The following FRMPD4 variants were observed in gnomAD, a reference collection of about 807,000 sequenced individuals.
The protein encoded by FRMPD4 is FERM and PDZ domain containing 4.
A neutral mutation model predicts 94.1 loss-of-function variants in FRMPD4; 22 were observed. That is an observed-to-expected ratio of 0.23 (90% confidence interval 0.17 to 0.33). The LOEUF (loss-of-function observed/expected upper bound fraction) is 0.33. Ranked by LOEUF, FRMPD4 falls within the 10% of genes least tolerant of loss-of-function variation. The pLI is 1.00. For missense variants in FRMPD4, 1,111 were observed against 1,339.9 expected (o/e 0.83, Z 2.67); for synonymous variants, 631 against 548.6 (o/e 1.15, Z -2.10).
chrX:12,390,041 A>G (rs534550799), intron 1 of FRMPD4, among the ~76,000 whole-genome samples: 6 of 112,407 alleles, frequency 5.3e-5, no homozygotes, highest in African/African-American at 1.9e-4. Context: ...ATGAATCACT[A>G]ACTTTGCTTG....
At chrX:12,482,804 A>G (rs957856673) in intron 1 of FRMPD4, among the ~76,000 whole-genome samples, 1 of 112,098 alleles carries the variant, frequency 8.9e-6, no homozygotes, top group Admixed American at 9.4e-5. Context: ...TTTTCTTCCT[A>G]CTAAGCCTTG....
At chrX:12,033,710 A>AT (rs2054704583) in intron 3 of FRMPD4, among the ~76,000 whole-genome samples, 1 of 111,194 alleles carries the variant, frequency 9.0e-6, no homozygotes, top group Non-Finnish European at 1.9e-5. Flanking sequence ...ATTTTATTTT[A>AT]TTTTGAGACG....
chrX:11,887,327 C>A (rs889327161), intron 3 of FRMPD4, among the ~76,000 whole-genome samples: 3 of 111,419 alleles, frequency 2.7e-5, no homozygotes, highest in Non-Finnish European at 3.8e-5. Context: ...TCAGGGAGAA[C>A]AATTGTTCTG....
intron 7 of FRMPD4, among the ~76,000 whole-genome samples, chrX:12,688,937 C>T (rs761982246): frequency 6.4e-5 from 7 of 109,451 alleles, no homozygotes; most frequent in East Asian, 5.7e-4. Flanking sequence ...CTAAGGTTTC[C>T]GGATCTTGAC....
rs2042222279 is a variant in FRMPD4, at chrX:12,720,723, C to T, written c.4154C>T (p.Pro1385Leu). Residue 1385 changes from proline (P) to leucine (L), a missense_variant, in exon 17 of 17, where the codon CCG (proline) becomes CTG (leucine). Pro to Leu is a moderately conservative substitution (Grantham distance 98). Around this residue, in one of 8 missense-constraint regions of FRMPD4, gnomAD observed 551 missense variants for 591.6 expected, o/e 0.93. Coordinates refer to ENST00000675598, the MANE Select transcript of FRMPD4 (RefSeq NM_001368397.1). ...GGAGAGGCTGTGAGCTGGCGGCCAC[C>T]GGATCTGAGAGGGGGGAGCCTCAGG... ...AYGEAVSWRP[P>L]DLRGGSLRTP... 9.4e-7 allele frequency: 1 copy of T among 1,064,441 alleles called. No homozygotes were observed. The highest frequency in any genetic ancestry group is 3.8e-5 in the Admixed American group (1 of 26,170). 87.7% of individuals were successfully genotyped at this position (1,064,441 alleles called of 1,213,427 possible).
At chrX:12,671,297 G>A (rs1306595475) in intron 4 of FRMPD4, among the ~76,000 whole-genome samples, 1 of 111,735 alleles carries the variant, frequency 8.9e-6, no homozygotes, top group East Asian at 2.8e-4. Flanking sequence ...TATGTTTATT[G>A]TGGCACCATT....
At chrX:12,553,460 A>ATG (rs56003092) in intron 2 of FRMPD4, among the ~76,000 whole-genome samples, 34,986 of 81,314 alleles carry the variant, frequency 0.43, 6,709 homozygotes, top group Non-Finnish European at 0.56. Flanking sequence ...ATATATATAT[A>ATG]TATATATCTA....
chrX:12,537,714 C>G (rs897586120), intron 2 of FRMPD4, among the ~76,000 whole-genome samples: 5 of 109,470 alleles, frequency 4.6e-5, no homozygotes, highest in African/African-American at 1.7e-4. Flanking sequence ...TCCCCCCATT[C>G]CCCACCCTTC....
At chrX:12,342,140 G>A (rs2055624892) in intron 1 of FRMPD4, among the ~76,000 whole-genome samples, 1 of 112,075 alleles carries the variant, frequency 8.9e-6, no homozygotes, top group South Asian at 3.7e-4. Context: ...TTAGTTTTTG[G>A]TGATGCTTAC....
At chrX:12,345,845 A>C (rs2055699622) in intron 1 of FRMPD4, among the ~76,000 whole-genome samples, 1 of 111,902 alleles carries the variant, frequency 8.9e-6, no homozygotes. Flanking sequence ...GGAATTTGAC[A>C]AAGAGCCCAA....
intron 1 of FRMPD4, among the ~76,000 whole-genome samples, chrX:12,378,300 A>T (rs758126366): frequency 5.3e-5 from 6 of 112,609 alleles, no homozygotes; most frequent in Non-Finnish European, 1.1e-4. Flanking sequence ...TTGTCACAGC[A>T]AGAGTAAGGA....
intron 3 of FRMPD4, among the ~76,000 whole-genome samples, chrX:11,964,500 C>T (rs1177900843): frequency 9.0e-6 from 1 of 111,166 alleles, no homozygotes; most frequent in African/African-American, 3.3e-5. Context: ...TTCTTCATGG[C>T]TTTGACACCA....
intron 5 of FRMPD4, among the ~76,000 whole-genome samples, chrX:12,677,671 T>C (rs1250289310): frequency 9.0e-6 from 1 of 111,574 alleles, no homozygotes; most frequent in East Asian, 2.8e-4. Context: ...TTTAATGTTG[T>C]ATTTCTTCTG....
chrX:12,108,287 G>T (rs1478404632), intron 3 of FRMPD4, among the ~76,000 whole-genome samples: 2 of 111,499 alleles, frequency 1.8e-5, no homozygotes, highest in Non-Finnish European at 3.8e-5. Flanking sequence ...TTAAAGAAAA[G>T]AATTTTCAAC....
chrX:12,370,354 A>G (rs1247745547), intron 1 of FRMPD4, among the ~76,000 whole-genome samples: 1 of 112,471 alleles, frequency 8.9e-6, no homozygotes, highest in Non-Finnish European at 1.9e-5. Context: ...GAACTGGGAA[A>G]GCAGATGAAG....
intron 1 of FRMPD4, among the ~76,000 whole-genome samples, chrX:12,496,533 G>A (rs1163983877): frequency 8.9e-6 from 1 of 112,137 alleles, no homozygotes; most frequent in African/African-American, 3.2e-5. Flanking sequence ...CCGTTGTCAG[G>A]GCTGGACTTG....
intron 1 of FRMPD4, among the ~76,000 whole-genome samples, chrX:12,385,052 A>T (rs1299942489): frequency 8.9e-6 from 1 of 111,742 alleles, no homozygotes; most frequent in African/African-American, 3.3e-5. Context: ...TTTTTCCCCC[A>T]TATCTTTTGA....
intron 1 of FRMPD4, among the ~76,000 whole-genome samples, chrX:12,175,791 G>A (rs2056286869): frequency 8.9e-6 from 1 of 111,752 alleles, no homozygotes; most frequent in African/African-American, 3.3e-5. Flanking sequence ...TAGGATTACA[G>A]GCATGAGCCA....
rs367706961 is a variant in FRMPD4, at chrX:12,387,704, G to GT, written c.42-110965dup. ...TGTCAGGGACTGCTGTTTTTTGTTTGTTTTTTTTTTTCCTGTAAGTCTCTG... is the reference window on the plus strand; with the variant it reads ...TGTCAGGGACTGCTGTTTTTTGTTTGTTTTTTTTTTTTCCTGTAAGTCTCTG... On this transcript the variant is annotated intron_variant, in intron 1 of 16. Coordinates refer to ENST00000675598, the MANE Select transcript of FRMPD4 (RefSeq NM_001368397.1). Among the ~76,000 whole-genome samples the GT allele has an allele frequency of 1.8e-3, 183 of 103,403 alleles. 1 individual carries two copies. Among genetic ancestry groups the GT allele is most frequent in the African/African-American group, 4.7e-3 (134 of 28,744 alleles). 89.8% of individuals were successfully genotyped at this position (103,403 alleles called of 115,157 possible).
Sources: gnomAD v4.1 joint callset for allele counts (sites outside exome capture counted in the v4.1 genomes callset) on GRCh38, gnomAD v4.1.1 for gene constraint, gnomAD v4.1.1 regional missense constraint, MANE v1.5 for transcripts, NCBI Gene and HGNC (gene_info 2026-07-23, HGNC 2026-07-21) for gene names.